RRM2: variants seen among roughly 807,000 people sequenced by gnomAD.
RRM2 encodes the protein ribonucleotide reductase regulatory subunit M2.
RRM2 carries 6 observed loss-of-function variants against 45.9 expected under a neutral mutation model. The ratio of observed to expected loss-of-function variants is 0.13; its 90% confidence interval spans 0.07 to 0.26. The LOEUF is 0.26. RRM2 is among the 10% of genes least tolerant of loss of function. The pLI, the probability that RRM2 is intolerant of heterozygous loss-of-function variation, is 1.00. For synonymous variants in RRM2, 177 were observed against 173.0 expected (o/e 1.02, Z -0.18); for missense variants, 343 against 489.5 (o/e 0.70, Z 2.82).
rs757200471 is a variant in RRM2 at position 10,123,413 on chromosome 2, G to T, written c.201G>T (p.Val67=). Residue 67 remains valine (V), a synonymous_variant, in exon 3 of 10, where the codon GTG becomes GTT. Transcript: ENST00000304567. ...AAACTAAAGCAGCTGCCCCCGGCGT[G>T]GAGGATGAGCCGCTGCTGAGAGAAA... is the stretch of plus-strand genomic sequence containing the variant. The part of the protein sequence containing the change: ...EPKTKAAAPG[V]EDEPLLRENP... 3 of 1,612,284 alleles carry T rather than the reference G, an allele frequency of 1.9e-6. No homozygotes were observed. In the South Asian group the frequency reaches 3.3e-5, roughly 18 times the overall value.
At chr2:10,209,845 C>T (rs1664727296) in intron 3 of RRM2, among the ~76,000 whole-genome samples, 1 of 152,220 alleles carries the variant, frequency 6.6e-6, no homozygotes, top group South Asian at 2.1e-4. Flanking sequence ...CCCAGAATGG[C>T]GAAGGTGGCA....
upstream of RRM2, among the ~76,000 whole-genome samples, chr2:10,137,144 G>C (rs1291738778): frequency 6.6e-6 from 1 of 152,202 alleles, no homozygotes; most frequent in Non-Finnish European, 1.5e-5. Flanking sequence ...CAGCCACCGT[G>C]GGGCAGAGAT....
chr2:10,122,587 C>T (rs1304594217), upstream of RRM2: 10 of 1,452,640 alleles, frequency 6.9e-6, no homozygotes, highest in Non-Finnish European at 9.1e-6. Flanking sequence ...CGCGGCCCCG[C>T]GGCCAGCCTG....
intron 3 of RRM2, among the ~76,000 whole-genome samples, chr2:10,142,952 C>T (rs984737670): frequency 2.6e-5 from 4 of 152,258 alleles, no homozygotes; most frequent in Non-Finnish European, 4.4e-5. Context: ...CGACTCACTA[C>T]AAGCTCTGCC....
chr2:10,182,046 G>A (rs1397752802), intron 3 of RRM2, among the ~76,000 whole-genome samples: 1 of 152,100 alleles, frequency 6.6e-6, no homozygotes, highest in Non-Finnish European at 1.5e-5. Flanking sequence ...GATTATAGGT[G>A]TGAGCCACTG....
At chr2:10,123,206 C>T in intron 2 of RRM2, 149 bp downstream of exon 2, 6 of 1,273,680 alleles carry the variant, frequency 4.7e-6, no homozygotes, top group Non-Finnish European at 6.3e-6. Flanking sequence ...CCGCGCCCCT[C>T]GGCCCATTTC....
chr2:10,175,797 G>A (rs1022736053), intron 3 of RRM2, among the ~76,000 whole-genome samples: 3 of 151,894 alleles, frequency 2.0e-5, no homozygotes, highest in African/African-American at 7.3e-5. Context: ...ATAGAGACAG[G>A]GTTTCACCAT....
At chr2:10,170,769 G>A (rs1243967313) in intron 3 of RRM2, among the ~76,000 whole-genome samples, 1 of 152,184 alleles carries the variant, frequency 6.6e-6, no homozygotes, top group African/African-American at 2.4e-5. Flanking sequence ...GGCAGCACAG[G>A]AGACTCCATG....
At chr2:10,164,417 T>G (rs1663638570) in intron 3 of RRM2, among the ~76,000 whole-genome samples, 1 of 152,200 alleles carries the variant, frequency 6.6e-6, no homozygotes, top group African/African-American at 2.4e-5. Flanking sequence ...CAGTAAGTGC[T>G]CAATACATTT....
In RRM2 at chr2:10,129,009, G is replaced by C. The variant is rs745490354; in HGVS notation, c.904-32G>C. On this transcript the variant is annotated intron_variant, in intron 8 of 9. Transcript: ENST00000304567. The surrounding 1 kb of genome is among the most constrained non-coding windows in gnomAD (Gnocchi z 4.8). ...CTTGCTAGAAAATGCCTGTGCTTTA[G>C]TTGTATTCAGAAGCTGTATTTTGGT... 3 of 1,611,046 alleles carry C rather than the reference G, an allele frequency of 1.9e-6. No homozygotes were observed. The African/African-American group carries it at 4.0e-5, about 22-fold the overall frequency.
At chr2:10,199,800 A>AAAAAC (rs1553329431) in intron 3 of RRM2, among the ~76,000 whole-genome samples, 9,966 of 97,222 alleles carry the variant, frequency 0.1, 1,836 homozygotes, top group East Asian at 0.28. Flanking sequence ...AAAAAAAAAA[A>AAAAAC]AAAAAAAAAC....
At chr2:10,162,182 C>G (rs915122264) in intron 3 of RRM2, among the ~76,000 whole-genome samples, 1 of 152,102 alleles carries the variant, frequency 6.6e-6, no homozygotes, top group Non-Finnish European at 1.5e-5. Flanking sequence ...ACGGGATGCC[C>G]GGGTGCACAG....
chr2:10,144,811 A>G (rs566466765), intron 3 of RRM2, among the ~76,000 whole-genome samples: 2 of 152,308 alleles, frequency 1.3e-5, no homozygotes, highest in Admixed American at 6.5e-5. Context: ...AAATGGTACG[A>G]CATTGAGCAC....
Position 10,123,444 on chromosome 2 carries a change from C to T in RRM2, c.232C>T (p.Arg78Cys), listed in dbSNP as rs371772699. The T allele has an allele frequency of 6.3e-5, 102 of 1,614,078 alleles. No homozygotes were observed. The East Asian group carries it at 1.8e-3, about 29-fold the overall frequency. Residue 78 changes from arginine (R) to cysteine (C), a missense_variant, in exon 3 of 10, where the codon CGC (arginine) becomes TGC (cysteine). Arg to Cys is a radical substitution (Grantham distance 180). Transcript: ENST00000304567. ...TGAGCCGCTGCTGAGAGAAAACCCC[C>T]GCCGCTTTGTCATCTTCCCCATCGA... ...EDEPLLRENPRRFVIFPIEYH... is the reference protein window; with the variant it reads ...EDEPLLRENPCRFVIFPIEYH...
chr2:10,147,425 T>C (rs147863532), intron 3 of RRM2, among the ~76,000 whole-genome samples: 1,652 of 152,014 alleles, frequency 0.011, 10 homozygotes, highest in Non-Finnish European at 0.016. Context: ...ACTACAGGCA[T>C]GCACTACCAC....
In RRM2 at chr2:10,131,157, C is replaced by T. The variant is rs1345112949; in HGVS notation, c.*1771C>T. On this transcript the variant is annotated 3_prime_UTR_variant, in exon 10 of 10. Coordinates refer to ENST00000304567, the MANE Select transcript of RRM2 (RefSeq NM_001034.4). ...TTTCCTATCTTTTAAGTTATTGTTACCTAAAGTTAATCCAGATTATATGGT... is the reference window on the plus strand; with the variant it reads ...TTTCCTATCTTTTAAGTTATTGTTATCTAAAGTTAATCCAGATTATATGGT... The T allele has an allele frequency of 6.6e-6, 1 of 151,844 alleles. No individual in the cohort carries two copies. The highest frequency in any genetic ancestry group is 1.5e-5 in the Non-Finnish European group (1 of 67,986). The allele number at this position is 151,844 out of a possible 1,614,324, so 9.4% of individuals were successfully genotyped here.
At chr2:10,147,275 G>T (rs1412582826) in intron 3 of RRM2, among the ~76,000 whole-genome samples, 1 of 151,028 alleles carries the variant, frequency 6.6e-6, no homozygotes, top group Non-Finnish European at 1.5e-5. Context: ...AAAGATAAGG[G>T]TTTTTTTTTG....
At chr2:10,170,070 G>T (rs376239400) in intron 3 of RRM2, among the ~76,000 whole-genome samples, 1 of 152,152 alleles carries the variant, frequency 6.6e-6, no homozygotes, top group Non-Finnish European at 1.5e-5. Context: ...TGGGGCTCAG[G>T]CTTTCCAGAG....
chr2:10,182,375 A>C (rs1351034892), intron 3 of RRM2, among the ~76,000 whole-genome samples: 15 of 146,436 alleles, frequency 1.0e-4, no homozygotes, highest in Non-Finnish European at 1.5e-4. Flanking sequence ...ACAAAAAAAA[A>C]CCCAAAAAAA....
Sources: gnomAD v4.1 joint callset for allele counts (sites outside exome capture counted in the v4.1 genomes callset) on GRCh38, gnomAD v4.1.1 for gene constraint, Gnocchi (gnomAD v3.1) non-coding constraint, MANE v1.5 for transcripts, NCBI Gene and HGNC (gene_info 2026-07-23, HGNC 2026-07-21) for gene names.